ADAMTS17: variants seen among roughly 807,000 people sequenced by gnomAD.
The protein encoded by ADAMTS17 is ADAM metallopeptidase with thrombospondin type 1 motif 17, also known as A disintegrin and metalloproteinase with thrombospondin motifs 17.
A neutral mutation model predicts 141.5 loss-of-function variants in ADAMTS17; 113 were observed. That is an observed-to-expected ratio of 0.80 (90% CI 0.69 to 0.93). The LOEUF (loss-of-function observed/expected upper bound fraction) is 0.93, where lower values mean the gene tolerates loss of function less well. Among genes scored for constraint, ADAMTS17 ranks in the 40% least tolerant of loss-of-function variants. The pLI, the probability that ADAMTS17 is intolerant of heterozygous loss-of-function variation, is 0.00. For synonymous variants in ADAMTS17, 768 were observed against 630.6 expected, an observed-to-expected ratio of 1.22 and a Z score of -3.27; for missense variants, 1,659 against 1,517.9, an observed-to-expected ratio of 1.09 and a Z score of -1.54.
intron 14 of ADAMTS17, among the ~76,000 whole-genome samples, chr15:100,103,732 T>G (rs1299391055): frequency 6.6e-6 from 1 of 152,162 alleles, no homozygotes; most frequent in Non-Finnish European, 1.5e-5. Flanking sequence ...TGCACTACCA[T>G]GCCCGGCTAA....
At chr15:100,166,748 CT>C (rs923890040) in intron 8 of ADAMTS17, among the ~76,000 whole-genome samples, 2 of 152,220 alleles carry the variant, frequency 1.3e-5, no homozygotes, top group Non-Finnish European at 2.9e-5. Context: ...GGTTTCCAAT[CT>C]AGAAGGGAAT....
At chr15:100,030,161 A>G (rs2029993407) in intron 18 of ADAMTS17, among the ~76,000 whole-genome samples, 1 of 152,128 alleles carries the variant, frequency 6.6e-6, no homozygotes, top group African/African-American at 2.4e-5. Flanking sequence ...CTCATGATTC[A>G]GGGTAAAGCT....
chr15:100,113,256 A>C (rs1245264863), intron 13 of ADAMTS17, among the ~76,000 whole-genome samples: 1 of 152,198 alleles, frequency 6.6e-6, no homozygotes, highest in East Asian at 1.9e-4. Context: ...ATCCCAAAGA[A>C]GGCTACACTC....
intron 18 of ADAMTS17, among the ~76,000 whole-genome samples, chr15:100,005,923 T>A (rs1234778219): frequency 1.3e-5 from 2 of 152,054 alleles, no homozygotes; most frequent in Non-Finnish European, 2.9e-5. Context: ...GAAGCCTTGG[T>A]GTTCCCTGGC....
intron 7 of ADAMTS17, among the ~76,000 whole-genome samples, chr15:100,218,366 C>CA (rs1288257154): frequency 1.3e-5 from 2 of 151,810 alleles, no homozygotes; most frequent in African/African-American, 2.4e-5. Flanking sequence ...CACCTCTCAG[C>CA]AAAAAAAATT....
chr15:100,237,921 G>T (rs1027014793), intron 7 of ADAMTS17, among the ~76,000 whole-genome samples: 4 of 152,120 alleles, frequency 2.6e-5, no homozygotes, highest in Admixed American at 2.6e-4. Flanking sequence ...CACTGTGCCC[G>T]GCCAACACTA....
chr15:100,217,628 T>G (rs1205493122), intron 7 of ADAMTS17, among the ~76,000 whole-genome samples: 2 of 152,032 alleles, frequency 1.3e-5, no homozygotes, highest in African/African-American at 4.8e-5. Context: ...AAGTAAATAT[T>G]TGTGATCCTG....
chr15:99,977,425 T>A (rs2060386087), intron 20 of ADAMTS17, among the ~76,000 whole-genome samples: 1 of 109,026 alleles, frequency 9.2e-6, no homozygotes, highest in Non-Finnish European at 1.8e-5. Flanking sequence ...TTTTTTTTTT[T>A]TTTTGAGATG....
At chr15:100,041,436 G>A (rs1046604033) in intron 18 of ADAMTS17, among the ~76,000 whole-genome samples, 5 of 152,224 alleles carry the variant, frequency 3.3e-5, no homozygotes, top group Middle Eastern at 3.2e-3. Context: ...GCTCCGGGAC[G>A]TGTCCACTTC....
chr15:100,226,082 T>TCATG (rs2141823797), intron 7 of ADAMTS17, among the ~76,000 whole-genome samples: 1 of 148,590 alleles, frequency 6.7e-6, no homozygotes, highest in African/African-American at 2.4e-5. Flanking sequence ...CTGTGCCCAT[T>TCATG]CAGTCCTTAC....
At chr15:100,155,421 C>A in intron 8 of ADAMTS17, 101 bp from the exon 9 acceptor site, 1 of 1,501,882 alleles carries the variant, frequency 6.7e-7, no homozygotes. Context: ...GTCTTAAAAA[C>A]AAAAACGGAC....
rs1347222720 is a variant in ADAMTS17 at position 100,315,663 on chromosome 15, C to G, written c.616+15226G>C. On this transcript the variant is annotated intron_variant, in intron 3 of 21. Coordinates refer to ENST00000268070, the MANE Select transcript of ADAMTS17 (RefSeq NM_139057.4). ...CCAGCCTAGGCAACACAATGAGACC[C>G]CTGCGTCCACAAAAAATTTTAAAAA... Among the ~76,000 whole-genome samples, 4 of 152,152 alleles carry G rather than the reference C, an allele frequency of 2.6e-5. No individual in the cohort carries two copies. In the East Asian group the frequency reaches 7.7e-4, roughly 29 times the overall value.
chr15:100,287,086 G>A (rs569867158), intron 3 of ADAMTS17, among the ~76,000 whole-genome samples: 1 of 152,270 alleles, frequency 6.6e-6, no homozygotes, highest in South Asian at 2.1e-4. Flanking sequence ...TACTCAGGAG[G>A]CTGAGGTGGG....
At chr15:100,209,944 C>A (rs2041736640) in intron 7 of ADAMTS17, among the ~76,000 whole-genome samples, 1 of 152,178 alleles carries the variant, frequency 6.6e-6, no homozygotes, top group Admixed American at 6.5e-5. Context: ...AACAAATGTT[C>A]TTCACCTTTC....
chr15:100,107,465 T>A (rs1436780714), intron 14 of ADAMTS17, among the ~76,000 whole-genome samples: 1 of 152,082 alleles, frequency 6.6e-6, no homozygotes. Context: ...AACGTGGTCA[T>A]AGGATGACAG....
intron 2 of ADAMTS17, 76 bp downstream of exon 2, chr15:100,340,961 CCA>C: frequency 1.4e-6 from 2 of 1,447,226 alleles, no homozygotes; most frequent in Non-Finnish European, 1.9e-6. Flanking sequence ...CAGAGGCGCC[CCA>C]CCCCCACCCT....
intron 8 of ADAMTS17, among the ~76,000 whole-genome samples, chr15:100,184,808 T>C (rs530276539): frequency 1.2e-3 from 188 of 152,054 alleles, no homozygotes; most frequent in African/African-American, 4.4e-3. Flanking sequence ...ACAGCCCCTC[T>C]CTTCTGGGGG....
At chr15:100,246,329 A>G (rs1212148261) in intron 7 of ADAMTS17, among the ~76,000 whole-genome samples, 1 of 152,180 alleles carries the variant, frequency 6.6e-6, no homozygotes, top group Non-Finnish European at 1.5e-5. Flanking sequence ...ATTTTTTAAT[A>G]CTATGATGAA....
intron 4 of ADAMTS17, among the ~76,000 whole-genome samples, chr15:100,277,968 A>G (rs2044155236): frequency 6.6e-6 from 1 of 152,268 alleles, no homozygotes; most frequent in African/African-American, 2.4e-5. Context: ...TAAAAAGGAA[A>G]GCCATCCTGA....
Sources: allele counts gnomAD v4.1 joint callset (sites outside exome capture counted in the v4.1 genomes callset), GRCh38; gene constraint gnomAD v4.1.1; transcripts MANE v1.5; gene names NCBI Gene and HGNC (gene_info 2026-07-23, HGNC 2026-07-21).